The following TBX15 variants were observed in gnomAD, a reference collection of about 807,000 sequenced individuals.
TBX15 encodes the protein T-box transcription factor 15.
TBX15 carries 18 observed loss-of-function variants against 53.9 expected under a neutral mutation model. That is an observed-to-expected ratio of 0.33 (90% CI 0.23 to 0.49). The LOEUF (loss-of-function observed/expected upper bound fraction) is 0.49, where lower values mean the gene tolerates loss of function less well. Among genes scored for constraint, TBX15 ranks in the 20% least tolerant of loss-of-function variants. TBX15 has a pLI of 0.98. For missense variants in TBX15, 692 were observed against 749.5 expected, an observed-to-expected ratio of 0.92 and a Z score of 0.90; for synonymous variants, 295 against 278.0, an observed-to-expected ratio of 1.06 and a Z score of -0.61.
chr1:118,937,514 G>A (rs1002072858), intron 1 of TBX15, among the ~76,000 whole-genome samples: 2 of 152,178 alleles, frequency 1.3e-5, no homozygotes, highest in Admixed American at 6.6e-5. Context: ...CATAAGCTCA[G>A]TTTAATGCTT....
At chr1:118,896,886 C>A (rs777617986) in intron 7 of TBX15, among the ~76,000 whole-genome samples, 2 of 152,120 alleles carry the variant, frequency 1.3e-5, no homozygotes, top group Non-Finnish European at 2.9e-5. Context: ...TAATGAGAAT[C>A]TGGATCAACT....
intron 2 of TBX15, among the ~76,000 whole-genome samples, chr1:118,928,168 T>C (rs1286636403): frequency 3.3e-5 from 5 of 152,192 alleles, no homozygotes; most frequent in African/African-American, 7.2e-5. Flanking sequence ...TAATATCCCC[T>C]GGCAGTAGGT....
intron 5 of TBX15, among the ~76,000 whole-genome samples, chr1:118,920,137 A>G (rs1655374606): frequency 6.6e-6 from 1 of 152,156 alleles, no homozygotes; most frequent in African/African-American, 2.4e-5. Context: ...CTAACTCCCA[A>G]CTTCGTGTTT....
chr1:118,923,181 G>T (rs1269851678), intron 5 of TBX15, among the ~76,000 whole-genome samples: 1 of 151,990 alleles, frequency 6.6e-6, no homozygotes, highest in Non-Finnish European at 1.5e-5. Context: ...TGGTTTAATA[G>T]CTTCTTAAAT....
At chr1:118,966,579 G>C (rs1345719460) in intron 1 of TBX15, among the ~76,000 whole-genome samples, 2 of 152,280 alleles carry the variant, frequency 1.3e-5, no homozygotes, top group East Asian at 1.9e-4. Flanking sequence ...ACACTGCCCA[G>C]GGTAAGGAAA....
intron 6 of TBX15, among the ~76,000 whole-genome samples, chr1:118,908,599 C>A (rs939736644): frequency 3.3e-5 from 5 of 151,910 alleles, no homozygotes; most frequent in Non-Finnish European, 7.4e-5. Context: ...GAAGTAGAAA[C>A]AACTTAGAAA....
chr1:118,928,764 C>T lies in TBX15; in HGVS notation c.420-2153G>A, dbSNP rs549046026. Among the ~76,000 whole-genome samples, 6 of 152,312 alleles carry T rather than the reference C, an allele frequency of 3.9e-5. No homozygotes were observed. In the South Asian group the frequency reaches 1.2e-3, roughly 32 times the overall value. ...GTTTTTAATTCAATATCTGTTCTGT[C>T]TGGAACCATTATATGACCTTTAATG... On this transcript the variant is annotated intron_variant, in intron 2 of 7. Coordinates refer to ENST00000369429, the MANE Select transcript of TBX15 (RefSeq NM_001330677.2).
At position 118,969,982 on chromosome 1, in the gene TBX15, T is replaced by G. The variant is rs143759185; in HGVS notation, c.205+17609A>C. ...TTGGATCATGGGGTTTCCCCCTTGC[T>G]GTTCTTGTGATAGTGAGTTCTCACA... On this transcript the variant is annotated intron_variant, in intron 1 of 7. Transcript: ENST00000369429. 8.6e-4 allele frequency among the ~76,000 whole-genome samples: 131 copies of G among 152,358 alleles called. 3 individuals are homozygous for G. The East Asian group carries it at 0.023, about 26-fold the overall frequency.
Position 118,885,713 on chromosome 1 carries a change from TCACA to T in TBX15, c.1025-201_1025-198del, listed in dbSNP as rs140071874. Among the ~76,000 whole-genome samples the T allele has an allele frequency of 2.7e-4, 41 of 149,554 alleles. 2 individuals are homozygous for T. The South Asian group carries it at 5.5e-3, about 20-fold the overall frequency. Reference sequence around the variant, plus strand: ...GACATATACACAGTCATACAGTCTCTCACACACACACACACACACACTCCAGAAG... The same window carrying T: ...GACATATACACAGTCATACAGTCTCTCACACACACACACACACTCCAGAAG... On this transcript the variant is annotated intron_variant, in intron 7 of 7. Coordinates refer to ENST00000369429, the MANE Select transcript of TBX15 (RefSeq NM_001330677.2).
intron 1 of TBX15, among the ~76,000 whole-genome samples, chr1:118,938,320 C>G (rs548771013): frequency 2.0e-5 from 3 of 152,136 alleles, no homozygotes; most frequent in Non-Finnish European, 4.4e-5. Flanking sequence ...TGCCAATAAG[C>G]CAATTAAGGA....
At chr1:118,885,621 G>T in intron 7 of TBX15, 105 bp from the exon 8 acceptor site, 1 of 1,416,242 alleles carries the variant, frequency 7.1e-7, no homozygotes, top group Non-Finnish European at 9.7e-7. Flanking sequence ...TCCAAGATAG[G>T]GCTGATTTTT....
intron 5 of TBX15, among the ~76,000 whole-genome samples, chr1:118,915,590 G>A (rs185127169): frequency 8.2e-4 from 125 of 152,316 alleles, no homozygotes; most frequent in African/African-American, 2.9e-3. Flanking sequence ...GCTTTCTAAA[G>A]TCGAGTGTCT....
chr1:118,891,648 A>ATCT (rs1367257326), intron 7 of TBX15, among the ~76,000 whole-genome samples: 1 of 152,214 alleles, frequency 6.6e-6, no homozygotes. Flanking sequence ...TTTGGTAGAA[A>ATCT]TCTTAGGAGA....
chr1:118,982,900 G>C (rs186274100), intron 1 of TBX15, among the ~76,000 whole-genome samples: 33 of 152,310 alleles, frequency 2.2e-4, no homozygotes, highest in Non-Finnish European at 4.6e-4. Context: ...CAAGCTCAGA[G>C]CCCAAATATA....
At position 118,987,745 on chromosome 1, in the gene TBX15, G is replaced by C; in HGVS notation, c.51C>G (p.Ala17=). The C allele has an allele frequency of 1.3e-6, 2 of 1,550,368 alleles. No homozygotes were observed. Among genetic ancestry groups the C allele is most frequent in the Non-Finnish European group, 1.7e-6 (2 of 1,146,846 alleles). Residue 17 remains alanine, a synonymous_variant, in exon 1 of 8, where the codon GCC becomes GCG. Coordinates refer to ENST00000369429, the MANE Select transcript of TBX15 (RefSeq NM_001330677.2). ...SAVALSSRAH[A]FSVEALIGSN... ...AGCCGATCAAGGCTTCAACGGAGAA[G>C]GCATGTGCTCGCGAGCTCAGGGCGA...
At chr1:118,973,677 C>T (rs1657316449) in intron 1 of TBX15, among the ~76,000 whole-genome samples, 1 of 152,082 alleles carries the variant, frequency 6.6e-6, no homozygotes, top group Admixed American at 6.5e-5. Context: ...AAAATGTTAA[C>T]ATCCGGAACC....
chr1:118,924,721 T>G lies in TBX15; in HGVS notation c.618A>C (p.Gly206=), dbSNP rs1427655975. ...TGACCACCTGTCTCATCCAGGTGTC[T>G]CCAGAAGCTAGAGAATCAGGGTGTA... is the stretch of plus-strand genomic sequence containing the variant. ...VYIHPDSLAS[G]DTWMRQVVSF... Residue 206 remains glycine (G), a synonymous_variant, in exon 4 of 8, where the codon GGA becomes GGC. Coordinates refer to ENST00000369429, the MANE Select transcript of TBX15 (RefSeq NM_001330677.2). The G allele has an allele frequency of 1.2e-6, 2 of 1,613,970 alleles. No individual in the cohort carries two copies. Among genetic ancestry groups the G allele is most frequent in the Non-Finnish European group, 8.5e-7 (1 of 1,179,998 alleles).
chr1:118,926,393 TC>T (rs1452694695), intron 3 of TBX15, 116 bp downstream of exon 3: 1 of 929,900 alleles, frequency 1.1e-6, no homozygotes, highest in Non-Finnish European at 1.7e-6. Flanking sequence ...TGACATAGTC[TC>T]CATTCCTTGT....
At chr1:118,982,623 C>T (rs948300839) in intron 1 of TBX15, among the ~76,000 whole-genome samples, 1 of 152,216 alleles carries the variant, frequency 6.6e-6, no homozygotes, top group African/African-American at 2.4e-5. Flanking sequence ...CCAGTTTAGG[C>T]ATTGCATGCC....
Sources: allele counts gnomAD v4.1 joint callset (sites outside exome capture counted in the v4.1 genomes callset), GRCh38; gene constraint gnomAD v4.1.1; transcripts MANE v1.5; gene names NCBI Gene and HGNC (gene_info 2026-07-23, HGNC 2026-07-21).